The following SLC4A1AP variants were observed in gnomAD, a reference collection of about 807,000 sequenced individuals.
SLC4A1AP encodes solute carrier family 4 member 1 adaptor protein, also known as kanadaptin.
A neutral mutation model predicts 89.7 loss-of-function variants in SLC4A1AP; 64 were observed. The ratio of observed to expected loss-of-function variants is 0.71; its 90% CI spans 0.58 to 0.88. The LOEUF (loss-of-function observed/expected upper bound fraction) is 0.88. Among genes scored for constraint, SLC4A1AP ranks in the 40% least tolerant of loss-of-function variants. The pLI is 0.00. For synonymous variants in SLC4A1AP, 366 were observed against 353.3 expected, an observed-to-expected ratio of 1.04 and a Z score of -0.40; for missense variants, 931 against 965.0, an observed-to-expected ratio of 0.96 and a Z score of 0.47.
At chr2:27,666,606 G>A (rs1335591077) in intron 2 of SLC4A1AP, among the ~76,000 whole-genome samples, 3 of 152,002 alleles carry the variant, frequency 2.0e-5, no homozygotes, top group Non-Finnish European at 4.4e-5. Flanking sequence ...TATTGGGAAC[G>A]AAAGTTAGAT....
At chr2:27,679,568 C>G (rs563907286) in intron 8 of SLC4A1AP, among the ~76,000 whole-genome samples, 1 of 152,124 alleles carries the variant, frequency 6.6e-6, no homozygotes, top group Admixed American at 6.5e-5. Context: ...CGCCACTGCA[C>G]TCTAGCCTGG....
chr2:27,684,462 C>G (rs906022822), intron 9 of SLC4A1AP, among the ~76,000 whole-genome samples: 2 of 151,528 alleles, frequency 1.3e-5, no homozygotes, highest in African/African-American at 4.8e-5. Context: ...CCAAGATATG[C>G]TTTGGTTCCT....
intron 6 of SLC4A1AP, among the ~76,000 whole-genome samples, 168 bp from the exon 7 acceptor site, chr2:27,677,127 G>A (rs1439646558): frequency 6.6e-6 from 1 of 151,902 alleles, no homozygotes; most frequent in Non-Finnish European, 1.5e-5. Context: ...AACAGAATGA[G>A]GCTCTATCTC....
chr2:27,667,382 A>G (rs987247406), exon 3 of SLC4A1AP: 11 of 1,612,224 alleles, frequency 6.8e-6, no homozygotes, highest in Non-Finnish European at 9.3e-6. Context: ...GGCTTTTTTG[A>G]CCGAGAAGGT....
At chr2:27,690,238 T>C (rs955033874) in intron 12 of SLC4A1AP, among the ~76,000 whole-genome samples, 1 of 152,194 alleles carries the variant, frequency 6.6e-6, no homozygotes. Flanking sequence ...TCTGAGATTT[T>C]AGTGCACCTG....
At chr2:27,688,433 A>G (rs1284822243) in intron 11 of SLC4A1AP, among the ~76,000 whole-genome samples, 1 of 152,236 alleles carries the variant, frequency 6.6e-6, no homozygotes, top group Non-Finnish European at 1.5e-5. Context: ...GACTAGTAAA[A>G]TCAGCCTCAT....
intron 2 of SLC4A1AP, among the ~76,000 whole-genome samples, chr2:27,666,454 A>AT (rs1433837331): frequency 4.7e-5 from 7 of 149,914 alleles, no homozygotes; most frequent in African/African-American, 1.5e-4. Context: ...GAGCATAAGG[A>AT]TTTTGAGCTG....
At chr2:27,676,272 A>G (rs1483879041) in intron 6 of SLC4A1AP, among the ~76,000 whole-genome samples, 2 of 152,210 alleles carry the variant, frequency 1.3e-5, no homozygotes, top group Non-Finnish European at 2.9e-5. Flanking sequence ...CTTTTAAGTG[A>G]TCAATCCTAC....
intron 12 of SLC4A1AP, among the ~76,000 whole-genome samples, chr2:27,690,275 A>C (rs957126076): frequency 6.6e-6 from 1 of 152,134 alleles, no homozygotes; most frequent in African/African-American, 2.4e-5. Flanking sequence ...CATTGTACCC[A>C]ATATGCAATT....
At chr2:27,676,236 C>G (rs931308696) in intron 6 of SLC4A1AP, among the ~76,000 whole-genome samples, 9 of 152,166 alleles carry the variant, frequency 5.9e-5, no homozygotes, top group Non-Finnish European at 8.8e-5. Flanking sequence ...AGTAGACTCT[C>G]AATTGGTGGG....
In SLC4A1AP at chr2:27,670,922, C is replaced by CTTTTTT. The variant is rs34481114; in HGVS notation, c.1345+1549_1345+1554dup. On this transcript the variant is annotated intron_variant, in intron 5 of 13. Transcript: ENST00000613058. Reference sequence around the variant, plus strand: ...CAAACACCTGTATTTCTTTTCTTTTCTTTTTTTTTTTTTTTTTTTGAGATG... The same window carrying CTTTTTT: ...CAAACACCTGTATTTCTTTTCTTTTCTTTTTTTTTTTTTTTTTTTTTTTTTGAGATG... Among the ~76,000 whole-genome samples, 261 of 111,778 alleles carry CTTTTTT rather than the reference C, an allele frequency of 2.3e-3. 1 individual carries two copies. Among genetic ancestry groups the CTTTTTT allele is most frequent in the Middle Eastern group, 6.3e-3 (1 of 160 alleles). 73.3% of individuals were successfully genotyped at this position (111,778 alleles called of 152,430 possible).
chr2:27,677,917 C>G (rs13396449), exon 8 of SLC4A1AP: 4 of 1,587,186 alleles, frequency 2.5e-6, no homozygotes, highest in Non-Finnish European at 2.6e-6. Flanking sequence ...GATTCCAGAA[C>G]TAAAAAAGTA....
chr2:27,686,173 A>AT lies in SLC4A1AP; in HGVS notation c.2116+897dup, dbSNP rs544714905. Among the ~76,000 whole-genome samples the AT allele has an allele frequency of 3.8e-3, 576 of 152,336 alleles. 1 individual carries two copies. Among genetic ancestry groups the AT allele is most frequent in the African/African-American group, 0.013 (556 of 41,578 alleles). On this transcript the variant is annotated intron_variant, in intron 10 of 13. Coordinates refer to ENST00000613058, the Ensembl canonical transcript of SLC4A1AP. Reference sequence around the variant, plus strand: ...TCCACAACAAACCAGGCTTGGCTACATAAAAACTCCAGGCCTGGTATGTAG... The same window carrying AT: ...TCCACAACAAACCAGGCTTGGCTACATTAAAAACTCCAGGCCTGGTATGTAG...
chr2:27,685,415 T>A, intron 10 of SLC4A1AP, 138 bp downstream of exon 10: 1 of 1,172,200 alleles, frequency 8.5e-7, no homozygotes. Context: ...CAAGGAAACA[T>A]ACTTTCTTGG....
chr2:27,670,746 G>A (rs1558505983), intron 5 of SLC4A1AP, among the ~76,000 whole-genome samples: 5 of 151,336 alleles, frequency 3.3e-5, no homozygotes, highest in South Asian at 4.2e-4. Flanking sequence ...CTGTAGTCCC[G>A]GCCACTTGGG....
intron 5 of SLC4A1AP, among the ~76,000 whole-genome samples, chr2:27,673,990 TTGTGTGTGTGTGTGTGTGTG>T (rs56759152): frequency 1.5e-3 from 226 of 148,660 alleles, no homozygotes; most frequent in East Asian, 5.0e-3. Flanking sequence ...CATATACAAG[TTGTGTGTGTGTGTGTGTGTG>T]TGTGTGTGTG....
At position 27,669,406 on chromosome 2, in the gene SLC4A1AP, T is replaced by C; in HGVS notation, c.1345+19T>C. ...GAAGCAGGTCAGTATATAGGAGCCCTTTTTTTCTAGATTTAAAAAAAGGAA... is the reference window on the plus strand; with the variant it reads ...GAAGCAGGTCAGTATATAGGAGCCCCTTTTTTCTAGATTTAAAAAAAGGAA... On this transcript the variant is annotated intron_variant, in intron 5 of 13. Coordinates refer to ENST00000613058, the Ensembl canonical transcript of SLC4A1AP. 4.1e-6 allele frequency: 6 copies of C among 1,445,982 alleles called. No homozygotes were observed. The South Asian group carries it at 4.7e-5, about 11-fold the overall frequency. The allele number at this position is 1,445,982 out of a possible 1,614,324, so 89.6% of individuals were successfully genotyped here.
At chr2:27,685,361 T>C in intron 10 of SLC4A1AP, 84 bp downstream of exon 10, 2 of 1,510,190 alleles carry the variant, frequency 1.3e-6, no homozygotes, top group Admixed American at 4.5e-5. Context: ...AGGCCAGTTC[T>C]TGTCTGTGCA....
At chr2:27,671,115 G>T (rs765233875) in intron 5 of SLC4A1AP, among the ~76,000 whole-genome samples, 89 of 151,762 alleles carry the variant, frequency 5.9e-4, no homozygotes, top group Non-Finnish European at 1.0e-3. Context: ...TAGAGACAGG[G>T]TTTTACCATA....
Sources: allele counts gnomAD v4.1 joint callset (sites outside exome capture counted in the v4.1 genomes callset), GRCh38; gene constraint gnomAD v4.1.1; transcripts MANE v1.5; gene names NCBI Gene and HGNC (gene_info 2026-07-23, HGNC 2026-07-21).